Variants in EHMT1 observed in about 807,000 individuals in gnomAD.
EHMT1 encodes histone-lysine N-methyltransferase EHMT1.
Under a neutral mutation model 147.2 loss-of-function variants are expected in EHMT1, and 15 were observed. The observed-to-expected ratio is 0.10, with a 90% CI of 0.07 to 0.16. The LOEUF (loss-of-function observed/expected upper bound fraction) is 0.16, where lower values mean the gene tolerates loss of function less well. EHMT1 is among the 10% of genes least tolerant of loss of function. EHMT1 has a pLI of 1.00. For synonymous variants in EHMT1, 795 were observed against 709.6 expected, an observed-to-expected ratio of 1.12 and a Z score of -1.91; for missense variants, 1,587 against 1,772.4, an observed-to-expected ratio of 0.90 and a Z score of 1.88.
intron 1 of EHMT1, among the ~76,000 whole-genome samples, chr9:137,640,502 C>G (rs981910210): frequency 6.6e-6 from 1 of 152,182 alleles, no homozygotes; most frequent in Admixed American, 6.5e-5. Context: ...GTTTTGAACT[C>G]CTGGCCTCAA....
chr9:137,769,923 A>T (rs1343269601), intron 10 of EHMT1, among the ~76,000 whole-genome samples: 1 of 151,910 alleles, frequency 6.6e-6, no homozygotes, highest in Non-Finnish European at 1.5e-5. Flanking sequence ...TGCAGCCTCA[A>T]CCTCCTGGGC....
intron 1 of EHMT1, among the ~76,000 whole-genome samples, chr9:137,625,306 C>T (rs1468926640): frequency 6.6e-6 from 1 of 152,132 alleles, no homozygotes; most frequent in African/African-American, 2.4e-5. Context: ...ATGTATTATG[C>T]AGGTGCCTAA....
chr9:137,772,510 C>G (rs1428012543), intron 10 of EHMT1, among the ~76,000 whole-genome samples: 3 of 152,212 alleles, frequency 2.0e-5, no homozygotes, highest in Non-Finnish European at 4.4e-5. Context: ...GAGGCTCCGC[C>G]TCGCCAGCTC....
intron 1 of EHMT1, among the ~76,000 whole-genome samples, chr9:137,630,390 C>G (rs1018505592): frequency 6.6e-6 from 1 of 152,174 alleles, no homozygotes; most frequent in Non-Finnish European, 1.5e-5. Context: ...GGAAAAGTTC[C>G]TTGAGGAAGA....
chr9:137,746,653 A>C (rs1233245016), intron 6 of EHMT1: 1 of 152,220 alleles, frequency 6.6e-6, no homozygotes, highest in Non-Finnish European at 1.5e-5. Flanking sequence ...AGTTTATGAC[A>C]TATTAATTAT....
intron 15 of EHMT1, chr9:137,783,963 A>C: frequency 2.3e-6 from 1 of 435,194 alleles, no homozygotes; most frequent in Non-Finnish European, 4.1e-6. Context: ...TTGGTATTTT[A>C]ATAGGAACTT....
intron 9 of EHMT1, among the ~76,000 whole-genome samples, chr9:137,761,051 G>C (rs1378676125): frequency 2.0e-5 from 3 of 152,210 alleles, no homozygotes; most frequent in Non-Finnish European, 2.9e-5. Flanking sequence ...AGCTTTTAAA[G>C]GGTTTCCTTG....
At chr9:137,816,492 G>A (rs926419758) in intron 23 of EHMT1, 6 of 308,458 alleles carry the variant, frequency 1.9e-5, no homozygotes, top group African/African-American at 1.3e-4. Context: ...CTCAGGCTGC[G>A]TGGACTCCTT....
intron 1 of EHMT1, among the ~76,000 whole-genome samples, chr9:137,643,462 T>C (rs1844650935): frequency 6.6e-6 from 1 of 150,648 alleles, no homozygotes; most frequent in Non-Finnish European, 1.5e-5. Flanking sequence ...TGCCTCAGCC[T>C]TCCGAGTAGC....
chr9:137,796,859 G>A (rs1041245654), intron 16 of EHMT1, among the ~76,000 whole-genome samples: 4 of 151,188 alleles, frequency 2.6e-5, no homozygotes, highest in Non-Finnish European at 4.4e-5. Flanking sequence ...TCCATACAAC[G>A]TAACAGGTGG....
intron 1 of EHMT1, among the ~76,000 whole-genome samples, chr9:137,697,969 C>G (rs542639852): frequency 6.6e-6 from 1 of 150,686 alleles, no homozygotes; most frequent in Non-Finnish European, 1.5e-5. Flanking sequence ...TCGCGGAGGC[C>G]TCACTCCCCA....
At chr9:137,809,771 C>T (rs1373991367) in intron 18 of EHMT1, among the ~76,000 whole-genome samples, 2 of 152,226 alleles carry the variant, frequency 1.3e-5, no homozygotes, top group African/African-American at 4.8e-5. Context: ...CAGAAATATA[C>T]CAACAGACAT....
rs73668110 is a variant in EHMT1 at position 137,828,610 on chromosome 9, G to A, written c.3541-5739G>A. Reference sequence around the variant, plus strand: ...GGGTGGGGGAGGTACCACGTCTCCCGGGCAGCCACAGATCCCACACTCACG... The same window carrying A: ...GGGTGGGGGAGGTACCACGTCTCCCAGGCAGCCACAGATCCCACACTCACG... On this transcript the variant is annotated intron_variant, in intron 25 of 26. Coordinates refer to ENST00000460843, the MANE Select transcript of EHMT1 (RefSeq NM_024757.5). The surrounding 1 kb of genome is among the most constrained non-coding windows in gnomAD (Gnocchi z 5.3). Among the ~76,000 whole-genome samples the A allele has an allele frequency of 0.01, 1,555 of 152,234 alleles. 27 individuals carry two copies. Among genetic ancestry groups the A allele is most frequent in the African/African-American group, 0.035 (1,456 of 41,526 alleles).
At chr9:137,634,853 C>G (rs1279296589) in intron 1 of EHMT1, among the ~76,000 whole-genome samples, 2 of 148,774 alleles carry the variant, frequency 1.3e-5, no homozygotes, top group Admixed American at 6.7e-5. Context: ...CAGGCGCCCC[C>G]ACCATGCCCA....
intron 1 of EHMT1, among the ~76,000 whole-genome samples, chr9:137,662,689 T>C (rs1939204474): frequency 6.6e-6 from 1 of 152,040 alleles, no homozygotes; most frequent in Non-Finnish European, 1.5e-5. Context: ...TTAGTAGAGA[T>C]GGGGTTTCAC....
intron 1 of EHMT1, among the ~76,000 whole-genome samples, chr9:137,652,127 A>T (rs1199291830): frequency 2.0e-5 from 3 of 152,246 alleles, no homozygotes; most frequent in Non-Finnish European, 4.4e-5. Context: ...CTGTTACCAT[A>T]GGAGATGACG....
At chr9:137,644,427 C>G (rs1054994018) in intron 1 of EHMT1, among the ~76,000 whole-genome samples, 11 of 151,384 alleles carry the variant, frequency 7.3e-5, no homozygotes, top group African/African-American at 2.7e-4. Flanking sequence ...CGGGTTCAAG[C>G]AATTCTCCTT....
intron 2 of EHMT1, among the ~76,000 whole-genome samples, chr9:137,715,094 T>G (rs1945092327): frequency 6.6e-6 from 1 of 152,198 alleles, no homozygotes; most frequent in Admixed American, 6.5e-5. Context: ...GCAGTCTGGT[T>G]GTACTCTTGT....
chr9:137,779,315 C>T (rs1951196024), intron 13 of EHMT1, among the ~76,000 whole-genome samples: 1 of 152,250 alleles, frequency 6.6e-6, no homozygotes, highest in Non-Finnish European at 1.5e-5. Context: ...GATGAGGTTC[C>T]CCTGCATCCT....
Sources: gnomAD v4.1 joint callset for allele counts (sites outside exome capture counted in the v4.1 genomes callset) on GRCh38, gnomAD v4.1.1 for gene constraint, Gnocchi (gnomAD v3.1) non-coding constraint, MANE v1.5 for transcripts, NCBI Gene and HGNC (gene_info 2026-07-23, HGNC 2026-07-21) for gene names.